The following SDK2 variants were observed in gnomAD, a reference collection of about 807,000 sequenced individuals.
The protein encoded by SDK2 is sidekick cell adhesion molecule 2.
SDK2 carries 105 observed loss-of-function variants against 253.9 expected under a neutral mutation model. The observed-to-expected ratio is 0.41, with a 90% CI of 0.35 to 0.49. The LOEUF is 0.49. Ranked by LOEUF, SDK2 falls within the 20% of genes least tolerant of loss-of-function variation. SDK2 has a pLI of 0.06. For synonymous variants in SDK2, 1,249 were observed against 1,234.9 expected (o/e 1.01, Z -0.24); for missense variants, 2,608 against 3,003.0 (o/e 0.87, Z 3.07).
intron 18 of SDK2, among the ~76,000 whole-genome samples, chr17:73,408,310 C>T (rs1466783496): frequency 3.3e-5 from 5 of 149,484 alleles, no homozygotes; most frequent in East Asian, 2.0e-4. Context: ...CTCTGCCTCC[C>T]GGGTTCACGC....
At chr17:73,638,806 CTTT>C (rs1223522657) in intron 1 of SDK2, among the ~76,000 whole-genome samples, 5 of 138,978 alleles carry the variant, frequency 3.6e-5, no homozygotes, top group Admixed American at 7.2e-5. Context: ...AGATAACAGT[CTTT>C]TTTTTTTTTT....
intron 44 of SDK2, among the ~76,000 whole-genome samples, chr17:73,339,544 A>G (rs1045187687): frequency 2.7e-5 from 4 of 150,878 alleles, no homozygotes; most frequent in Admixed American, 6.6e-5. Flanking sequence ...TTTCCTTTTT[A>G]TTCTTTTTTT....
intron 1 of SDK2, among the ~76,000 whole-genome samples, chr17:73,600,196 T>A (rs1451511181): frequency 6.6e-6 from 1 of 152,112 alleles, no homozygotes; most frequent in Non-Finnish European, 1.5e-5. Flanking sequence ...CTCCCGCCAC[T>A]TCCTCGGTCC....
chr17:73,497,684 C>T (rs1021691673), intron 2 of SDK2, among the ~76,000 whole-genome samples: 6 of 151,964 alleles, frequency 3.9e-5, no homozygotes, highest in Admixed American at 1.3e-4. Context: ...AGCCGCCCCT[C>T]GCAGCACAAT....
intron 1 of SDK2, among the ~76,000 whole-genome samples, chr17:73,588,111 G>T (rs1181588222): frequency 6.6e-6 from 1 of 151,828 alleles, no homozygotes; most frequent in African/African-American, 2.4e-5. Context: ...GGTGGCTCAC[G>T]CCTGTAATCC....
intron 43 of SDK2, 47 bp downstream of exon 43, chr17:73,350,190 T>TGGGCACTGTTGGGCCTGGCCCCCCACCC: frequency 3.7e-5 from 6 of 163,664 alleles, no homozygotes; most frequent in Non-Finnish European, 4.9e-5. Context: ...TCTCCCCACC[T>TGGGCACTGTTGGGCCTGGCCCCCCACCC]GGGCACTGCT....
chr17:73,497,416 C>T (rs754394651), intron 2 of SDK2, among the ~76,000 whole-genome samples: 1 of 152,186 alleles, frequency 6.6e-6, no homozygotes, highest in Non-Finnish European at 1.5e-5. Flanking sequence ...ATTCTCTCAT[C>T]CTGCCATGTC....
In SDK2 at chr17:73,388,034, C is replaced by T. The variant is rs778845493; in HGVS notation, c.4196G>A (p.Arg1399His). Residue 1399 changes from arginine to histidine, a missense_variant, in exon 30 of 45, where the codon CGT becomes CAT. Transcript: ENST00000392650. Reference protein sequence around the residue: ...ALVVTTEKRDRPQPPSRPMVQ... With the variant: ...ALVVTTEKRDHPQPPSRPMVQ... ...CATCGGCCTGCTGGGGGGCTGCGGA[C>T]GGTCTGGGAGGTGGCAGAGGGGGAG... 5.6e-5 allele frequency: 87 copies of T among 1,564,346 alleles called. No homozygotes were observed. In the East Asian group the frequency reaches 1.5e-3, roughly 27 times the overall value.
intron 1 of SDK2, among the ~76,000 whole-genome samples, chr17:73,627,610 A>G (rs1331688882): frequency 1.3e-5 from 2 of 152,230 alleles, no homozygotes; most frequent in African/African-American, 4.8e-5. Flanking sequence ...GGTCAGGAGC[A>G]CGGTGGGCAG....
At chr17:73,560,889 C>T (rs1434830129) in intron 1 of SDK2, among the ~76,000 whole-genome samples, 3 of 152,162 alleles carry the variant, frequency 2.0e-5, no homozygotes. Flanking sequence ...GGCGTCTGGG[C>T]CAGCAAGGAC....
chr17:73,377,786 A>G (rs993498762), intron 36 of SDK2, among the ~76,000 whole-genome samples: 5 of 150,190 alleles, frequency 3.3e-5, no homozygotes, highest in Non-Finnish European at 5.9e-5. Flanking sequence ...CTAATTTTGT[A>G]TTTTTAGTAG....
chr17:73,432,538 A>C (rs1021716869), intron 10 of SDK2, among the ~76,000 whole-genome samples: 2 of 151,850 alleles, frequency 1.3e-5, no homozygotes, highest in Non-Finnish European at 2.9e-5. Context: ...CGTGTGCCAG[A>C]CTCTGTTCTA....
intron 1 of SDK2, among the ~76,000 whole-genome samples, chr17:73,631,994 T>C (rs1023073328): frequency 3.3e-5 from 5 of 152,122 alleles, no homozygotes; most frequent in African/African-American, 4.8e-5. Flanking sequence ...GCTCCTCTAA[T>C]GGTTTGGAGC....
At chr17:73,488,025 T>A (rs1170531343) in intron 2 of SDK2, among the ~76,000 whole-genome samples, 1 of 78,438 alleles carries the variant, frequency 1.3e-5, no homozygotes, top group Non-Finnish European at 3.1e-5. Flanking sequence ...TGACTGTCCC[T>A]TTTTTTTTGA....
intron 43 of SDK2, among the ~76,000 whole-genome samples, chr17:73,349,825 C>T (rs1247230030): frequency 3.9e-5 from 6 of 152,134 alleles, no homozygotes; most frequent in African/African-American, 4.8e-5. Flanking sequence ...TGTTTTTGCT[C>T]GGTCTGCGTT....
intron 40 of SDK2, 144 bp downstream of exon 40, chr17:73,357,935 C>T (rs745712009): frequency 2.3e-6 from 3 of 1,295,494 alleles, no homozygotes; most frequent in Non-Finnish European, 3.3e-6. Context: ...GTTTCCCACT[C>T]CTCAACAGGG....
intron 40 of SDK2, among the ~76,000 whole-genome samples, chr17:73,355,573 C>G (rs559569417): frequency 6.6e-6 from 1 of 152,166 alleles, no homozygotes; most frequent in African/African-American, 2.4e-5. Context: ...GTCTCGATCT[C>G]CTGACCTCGT....
At chr17:73,561,851 T>G (rs1193916830) in intron 1 of SDK2, among the ~76,000 whole-genome samples, 1 of 152,158 alleles carries the variant, frequency 6.6e-6, no homozygotes, top group Non-Finnish European at 1.5e-5. Context: ...GTAGGCCAAG[T>G]GCAGTGGCTC....
At chr17:73,558,364 T>C (rs1338762674) in intron 1 of SDK2, among the ~76,000 whole-genome samples, 1 of 145,528 alleles carries the variant, frequency 6.9e-6, no homozygotes, top group East Asian at 2.0e-4. Context: ...CAGGTAGAGA[T>C]GGAAAGAGAC....
Sources: allele counts gnomAD v4.1 joint callset (sites outside exome capture counted in the v4.1 genomes callset), GRCh38; gene constraint gnomAD v4.1.1; transcripts MANE v1.5; gene names NCBI Gene and HGNC (gene_info 2026-07-23, HGNC 2026-07-21).